NALF1: variants seen among roughly 807,000 people sequenced by gnomAD.
NALF1 encodes family with sequence similarity 155 member A.
A neutral mutation model predicts 48.4 loss-of-function variants in NALF1; 3 were observed. That is an observed-to-expected ratio of 0.06 (90% CI 0.03 to 0.16). NALF1 has a LOEUF of 0.16. Among genes scored for constraint, NALF1 ranks in the 10% least tolerant of loss-of-function variants. NALF1 has a pLI of 1.00. For synonymous variants in NALF1, 262 were observed against 245.7 expected, an observed-to-expected ratio of 1.07 and a Z score of -0.62; for missense variants, 526 against 571.5, an observed-to-expected ratio of 0.92 and a Z score of 0.81.
At chr13:107,680,118 T>C (rs1009762403) in intron 1 of NALF1, among the ~76,000 whole-genome samples, 1 of 152,060 alleles carries the variant, frequency 6.6e-6, no homozygotes, top group African/African-American at 2.4e-5. Context: ...CAGCTGCAGG[T>C]ACCCAGCTGC....
At chr13:107,193,224 A>G (rs1366740172) in intron 2 of NALF1, among the ~76,000 whole-genome samples, 1 of 152,244 alleles carries the variant, frequency 6.6e-6, no homozygotes, top group African/African-American at 2.4e-5. Context: ...AGTATAAATA[A>G]TACAATAAAT....
At chr13:107,341,159 A>C (rs1882673296) in intron 1 of NALF1, among the ~76,000 whole-genome samples, 1 of 151,960 alleles carries the variant, frequency 6.6e-6, no homozygotes, top group South Asian at 2.1e-4. Context: ...AGACTCTATC[A>C]ATTGACAAAC....
intron 1 of NALF1, among the ~76,000 whole-genome samples, chr13:107,548,027 T>A (rs570076192): frequency 6.6e-6 from 1 of 152,150 alleles, no homozygotes; most frequent in Admixed American, 6.6e-5. Context: ...GTTATATAGG[T>A]GAACTCGTGT....
At chr13:107,795,683 CTA>C (rs5806693) in intron 1 of NALF1, among the ~76,000 whole-genome samples, 2,298 of 152,196 alleles carry the variant, frequency 0.015, 34 homozygotes, top group Middle Eastern at 0.041. Flanking sequence ...CTTAATAATA[CTA>C]TAGTTTATAT....
At chr13:107,744,427 C>T (rs776681257) in intron 1 of NALF1, among the ~76,000 whole-genome samples, 1 of 152,132 alleles carries the variant, frequency 6.6e-6, no homozygotes, top group Non-Finnish European at 1.5e-5. Context: ...ATCCCCAAGC[C>T]CGAAACTTAG....
At chr13:107,354,206 G>A (rs935517768) in intron 1 of NALF1, among the ~76,000 whole-genome samples, 2 of 152,184 alleles carry the variant, frequency 1.3e-5, no homozygotes, top group African/African-American at 4.8e-5. Context: ...GGACAGGGCA[G>A]TGCTGAAGGA....
intron 1 of NALF1, among the ~76,000 whole-genome samples, chr13:107,595,831 T>G: frequency 6.6e-6 from 1 of 152,142 alleles, no homozygotes; most frequent in East Asian, 1.9e-4. Context: ...TCCTGCTCAA[T>G]AGATGATCAT....
In NALF1 at chr13:107,168,974, T is replaced by C. The variant is rs1295403809; in HGVS notation, c.*1523A>G. The C allele has an allele frequency of 2.6e-5, 4 of 152,538 alleles. No homozygotes were observed. The highest frequency in any genetic ancestry group is 9.7e-5 in the African/African-American group (4 of 41,444). 9.4% of individuals were successfully genotyped at this position (152,538 alleles called of 1,614,324 possible). On this transcript the variant is annotated 3_prime_UTR_variant, in exon 3 of 3. Transcript: ENST00000375915. Reference sequence around the variant, plus strand: ...AAGGAATGTAAAATTTTTTTTTTAATTATTTGTTTTGTTTGTTTGTTTGTT... The same window carrying C: ...AAGGAATGTAAAATTTTTTTTTTAACTATTTGTTTTGTTTGTTTGTTTGTT...
intron 1 of NALF1, among the ~76,000 whole-genome samples, chr13:107,648,814 C>T (rs747877512): frequency 1.8e-4 from 27 of 152,128 alleles, no homozygotes; most frequent in Non-Finnish European, 2.9e-4. Context: ...GAATAAGAGT[C>T]CCTGTTTATT....
chr13:107,714,272 G>T lies in NALF1; in HGVS notation c.915+151410C>A, dbSNP rs112380636. ...TAATGCTTAGAATTCACAAGCTGCA[G>T]CGCTGCTGTCCTTCAGATCACTTGT... is the stretch of plus-strand genomic sequence containing the variant. On this transcript the variant is annotated intron_variant, in intron 1 of 2. Transcript: ENST00000375915. Among the ~76,000 whole-genome samples, 1,423 of 152,290 alleles carry T rather than the reference G, an allele frequency of 9.3e-3. 22 individuals are homozygous for T. The highest frequency in any genetic ancestry group is 0.033 in the African/African-American group (1,358 of 41,552).
intron 1 of NALF1, among the ~76,000 whole-genome samples, chr13:107,567,882 A>G (rs1877861462): frequency 6.6e-6 from 1 of 152,190 alleles, no homozygotes; most frequent in Admixed American, 6.5e-5. Flanking sequence ...CGTGATTTGT[A>G]TCCTTTTGAG....
chr13:107,800,661 T>G (rs977415100), intron 1 of NALF1, among the ~76,000 whole-genome samples: 1 of 147,356 alleles, frequency 6.8e-6, no homozygotes, highest in African/African-American at 2.5e-5. Flanking sequence ...TAATATATAA[T>G]ACATCATATT....
At chr13:107,849,041 C>A (rs1880244783) in intron 1 of NALF1, among the ~76,000 whole-genome samples, 1 of 152,168 alleles carries the variant, frequency 6.6e-6, no homozygotes, top group Non-Finnish European at 1.5e-5. Context: ...ATGTAGTTTA[C>A]AACAACACCC....
intron 1 of NALF1, among the ~76,000 whole-genome samples, chr13:107,605,964 T>C (rs1879055554): frequency 6.6e-6 from 1 of 152,204 alleles, no homozygotes; most frequent in Non-Finnish European, 1.5e-5. Context: ...CATCAAGGGA[T>C]GCAAACCTGG....
chr13:107,263,291 C>T (rs965364047), intron 1 of NALF1, among the ~76,000 whole-genome samples: 34 of 147,280 alleles, frequency 2.3e-4, no homozygotes, highest in African/African-American at 4.2e-4. Context: ...CACACACACA[C>T]ATCTCAGTGG....
At chr13:107,718,440 C>G (rs1218622551) in intron 1 of NALF1, among the ~76,000 whole-genome samples, 2 of 152,192 alleles carry the variant, frequency 1.3e-5, no homozygotes, top group Admixed American at 6.5e-5. Context: ...GCTACCACAC[C>G]TATGATTATC....
chr13:107,454,900 G>C (rs905731177), intron 1 of NALF1, among the ~76,000 whole-genome samples: 2 of 152,096 alleles, frequency 1.3e-5, no homozygotes, highest in Admixed American at 6.6e-5. Flanking sequence ...ACTATTGTTT[G>C]CTAAGAGTTA....
chr13:107,429,082 G>C (rs1343577645), intron 1 of NALF1, among the ~76,000 whole-genome samples: 1 of 152,110 alleles, frequency 6.6e-6, no homozygotes, highest in Non-Finnish European at 1.5e-5. Flanking sequence ...CAGCACTTTG[G>C]GAGGCTGAGG....
At chr13:107,675,282 C>A (rs910305635) in intron 1 of NALF1, among the ~76,000 whole-genome samples, 1 of 152,162 alleles carries the variant, frequency 6.6e-6, no homozygotes, top group Non-Finnish European at 1.5e-5. Flanking sequence ...CCCCACTGGG[C>A]TATAGGCTCT....
Sources: allele counts gnomAD v4.1 joint callset (sites outside exome capture counted in the v4.1 genomes callset), GRCh38; gene constraint gnomAD v4.1.1; transcripts MANE v1.5; gene names NCBI Gene and HGNC (gene_info 2026-07-23, HGNC 2026-07-21).